GABRB1: variants seen among roughly 807,000 people sequenced by gnomAD.
GABRB1 encodes gamma-aminobutyric acid type A receptor subunit beta1.
A neutral mutation model predicts 51.6 loss-of-function variants in GABRB1; 17 were observed. The ratio of observed to expected loss-of-function variants is 0.33; its 90% CI spans 0.23 to 0.49. GABRB1 has a LOEUF of 0.49. Among genes scored for constraint, GABRB1 ranks in the 20% least tolerant of loss-of-function variants. GABRB1 has a pLI of 0.99. For synonymous variants in GABRB1, 247 were observed against 218.9 expected (o/e 1.13, Z -1.14); for missense variants, 410 against 600.6 (o/e 0.68, Z 3.32).
intron 5 of GABRB1, among the ~76,000 whole-genome samples, chr4:47,375,878 G>A (rs1189695183): frequency 5.9e-5 from 9 of 152,194 alleles, no homozygotes; most frequent in Non-Finnish European, 1.3e-4. Flanking sequence ...TGACTGGGCG[G>A]ATGATAGATC....
intron 3 of GABRB1, among the ~76,000 whole-genome samples, chr4:47,092,397 C>A (rs916015502): frequency 6.0e-5 from 9 of 151,178 alleles, no homozygotes; most frequent in Non-Finnish European, 1.0e-4. Flanking sequence ...CGTCTCGAAC[C>A]CCTGACTTAA....
chr4:47,218,091 G>A (rs532053619), intron 4 of GABRB1, among the ~76,000 whole-genome samples: 47 of 151,934 alleles, frequency 3.1e-4, no homozygotes, highest in African/African-American at 1.1e-3. Flanking sequence ...TATGGTATTT[G>A]TCTTTCTGTG....
At chr4:47,095,253 G>C (rs999929898) in intron 3 of GABRB1, among the ~76,000 whole-genome samples, 2 of 151,792 alleles carry the variant, frequency 1.3e-5, no homozygotes, top group African/African-American at 4.8e-5. Flanking sequence ...AAATGCAATA[G>C]AGTTGCCAGG....
At chr4:47,078,020 GCT>G (rs1404228696) in intron 3 of GABRB1, among the ~76,000 whole-genome samples, 2 of 136,226 alleles carry the variant, frequency 1.5e-5, no homozygotes, top group Non-Finnish European at 3.1e-5. Flanking sequence ...AAGGAGTTTT[GCT>G]CTTATTGGCC....
intron 4 of GABRB1, among the ~76,000 whole-genome samples, chr4:47,243,395 T>G (rs1162960394): frequency 2.0e-5 from 3 of 152,236 alleles, no homozygotes; most frequent in Non-Finnish European, 4.4e-5. Flanking sequence ...CATATGAACT[T>G]TAAAGTAGTT....
chr4:47,102,526 G>A (rs1379715302), intron 3 of GABRB1, among the ~76,000 whole-genome samples: 1 of 151,960 alleles, frequency 6.6e-6, no homozygotes, highest in Non-Finnish European at 1.5e-5. Flanking sequence ...GCTAATTTGG[G>A]GTTAAGGAGT....
At chr4:47,350,171 CTT>C (rs1370825226) in intron 5 of GABRB1, among the ~76,000 whole-genome samples, 2 of 135,924 alleles carry the variant, frequency 1.5e-5, no homozygotes, top group African/African-American at 2.7e-5. Context: ...AATATTTCCT[CTT>C]GGGCTCAGAT....
At chr4:47,226,998 C>T (rs1279279801) in intron 4 of GABRB1, among the ~76,000 whole-genome samples, 1 of 152,106 alleles carries the variant, frequency 6.6e-6, no homozygotes, top group East Asian at 1.9e-4. Context: ...TTTCAGTTCA[C>T]TTTATTTTGA....
intron 5 of GABRB1, among the ~76,000 whole-genome samples, chr4:47,334,219 G>C (rs1179757596): frequency 3.3e-5 from 5 of 152,162 alleles, no homozygotes; most frequent in Non-Finnish European, 7.3e-5. Context: ...AAAATCTGGA[G>C]TCAGCATAAA....
intron 3 of GABRB1, among the ~76,000 whole-genome samples, chr4:47,148,146 T>A (rs1389681850): frequency 6.6e-6 from 1 of 151,960 alleles, no homozygotes; most frequent in Non-Finnish European, 1.5e-5. Flanking sequence ...AAGAAACATT[T>A]TAATGAAACA....
intron 4 of GABRB1, among the ~76,000 whole-genome samples, chr4:47,264,798 T>G (rs1459344612): frequency 2.6e-5 from 4 of 152,214 alleles, no homozygotes; most frequent in South Asian, 2.1e-4. Context: ...CTTTTACGCT[T>G]CTGCAATCAA....
intron 4 of GABRB1, among the ~76,000 whole-genome samples, chr4:47,189,187 CAGGGTA>C (rs1423334729): frequency 2.6e-5 from 4 of 151,706 alleles, no homozygotes; most frequent in Admixed American, 2.6e-4. Context: ...TAGAAGAGGT[CAGGGTA>C]AGGAAACAGC....
chr4:47,158,580 C>A (rs962305435), intron 3 of GABRB1, among the ~76,000 whole-genome samples: 1 of 152,064 alleles, frequency 6.6e-6, no homozygotes, highest in Non-Finnish European at 1.5e-5. Flanking sequence ...AATGAGGAAT[C>A]GGTATAAGCT....
At chr4:47,334,067 G>A (rs919389909) in intron 5 of GABRB1, among the ~76,000 whole-genome samples, 9 of 152,176 alleles carry the variant, frequency 5.9e-5, no homozygotes, top group Non-Finnish European at 1.0e-4. Flanking sequence ...GATGCACCTT[G>A]CAGTGCTTGT....
intron 3 of GABRB1, among the ~76,000 whole-genome samples, chr4:47,063,520 A>G (rs1352431914): frequency 2.0e-5 from 3 of 152,156 alleles, no homozygotes; most frequent in Non-Finnish European, 2.9e-5. Flanking sequence ...ATCCCACTAC[A>G]CAAACAAAAC....
chr4:47,120,655 A>T (rs766577289), intron 3 of GABRB1, among the ~76,000 whole-genome samples: 1 of 152,120 alleles, frequency 6.6e-6, no homozygotes, highest in Non-Finnish European at 1.5e-5. Context: ...ACAGGTACTG[A>T]TTATTCAGGA....
intron 3 of GABRB1, among the ~76,000 whole-genome samples, chr4:47,151,338 T>C (rs1717440696): frequency 6.6e-6 from 1 of 152,098 alleles, no homozygotes; most frequent in South Asian, 2.1e-4. Context: ...TTCTCCCTTT[T>C]AAGCTCTGTA....
At chr4:47,385,319 C>G (rs1470919897) in intron 5 of GABRB1, among the ~76,000 whole-genome samples, 1 of 152,166 alleles carries the variant, frequency 6.6e-6, no homozygotes, top group Non-Finnish European at 1.5e-5. Context: ...TGAAACTCAT[C>G]TTTTTGAGAA....
At chr4:47,386,594 A>G (rs1727801922) in intron 5 of GABRB1, among the ~76,000 whole-genome samples, 1 of 152,210 alleles carries the variant, frequency 6.6e-6, no homozygotes, top group South Asian at 2.1e-4. Flanking sequence ...AATTAATGCA[A>G]TATAGCTCCA....
Sources: gnomAD v4.1 joint callset for allele counts (sites outside exome capture counted in the v4.1 genomes callset) on GRCh38, gnomAD v4.1.1 for gene constraint, MANE v1.5 for transcripts, NCBI Gene and HGNC (gene_info 2026-07-23, HGNC 2026-07-21) for gene names.